Variants in EYS observed in about 807,000 individuals in gnomAD.
EYS encodes the protein protein eyes shut homolog.
In EYS, 250 loss-of-function variants were observed where a neutral mutation model predicts 282.1. The observed-to-expected ratio is 0.89, with a 90% CI of 0.80 to 0.98. The LOEUF (loss-of-function observed/expected upper bound fraction) is 0.98. Among genes scored for constraint, EYS ranks in the 50% least tolerant of loss-of-function variants. The pLI is 0.00. For synonymous variants in EYS, 1,355 were observed against 1,282.9 expected (o/e 1.06, Z -1.20); for missense variants, 4,016 against 3,709.0 (o/e 1.08, Z -2.15).
chr6:63,990,923 G>A (rs1767576236), intron 34 of EYS, among the ~76,000 whole-genome samples: 1 of 151,598 alleles, frequency 6.6e-6, no homozygotes, highest in South Asian at 2.1e-4. Flanking sequence ...GTGAAAGAGT[G>A]GATCATGCAC....
chr6:65,414,493 A>G (rs1020521129), intron 5 of EYS, among the ~76,000 whole-genome samples: 2 of 152,166 alleles, frequency 1.3e-5, no homozygotes, highest in Admixed American at 1.3e-4. Context: ...TGAGAAAAAA[A>G]TCATGCTCTA....
At chr6:64,734,782 CCT>C (rs1474821521) in intron 22 of EYS, among the ~76,000 whole-genome samples, 3 of 151,846 alleles carry the variant, frequency 2.0e-5, no homozygotes, top group African/African-American at 7.3e-5. Flanking sequence ...ATTACTGTGC[CCT>C]CTCAGAAATA....
At chr6:65,573,257 T>C (rs1349570263) in intron 2 of EYS, among the ~76,000 whole-genome samples, 1 of 152,014 alleles carries the variant, frequency 6.6e-6, no homozygotes, top group Admixed American at 6.6e-5. Context: ...ATGGAAAACA[T>C]GTATATAGAA....
chr6:64,092,829 A>C (rs1246455984), intron 31 of EYS, among the ~76,000 whole-genome samples: 43 of 151,744 alleles, frequency 2.8e-4, no homozygotes, highest in Middle Eastern at 3.4e-3. Context: ...GTCCTTGCCC[A>C]TGCCTATGTC....
At chr6:64,587,695 G>A (rs1430931906) in intron 26 of EYS, among the ~76,000 whole-genome samples, 5 of 151,950 alleles carry the variant, frequency 3.3e-5, no homozygotes, top group East Asian at 1.9e-4. Context: ...GTATCTGCAC[G>A]TTCCTGGAAC....
chr6:64,465,275 G>A (rs965267549), intron 26 of EYS, among the ~76,000 whole-genome samples: 1 of 152,016 alleles, frequency 6.6e-6, no homozygotes, highest in Non-Finnish European at 1.5e-5. Flanking sequence ...AATTTTGTGT[G>A]GAGCCACAAG....
chr6:65,698,556 C>T (rs1381689758), intron 1 of EYS, among the ~76,000 whole-genome samples: 1 of 152,134 alleles, frequency 6.6e-6, no homozygotes, highest in Non-Finnish European at 1.5e-5. Context: ...AAATTGTATT[C>T]TATGTAACTC....
chr6:65,641,135 C>T (rs1445773214), intron 1 of EYS, among the ~76,000 whole-genome samples: 1 of 152,086 alleles, frequency 6.6e-6, no homozygotes, highest in African/African-American at 2.4e-5. Flanking sequence ...TTATAGTGGG[C>T]CAAAATAGAA....
At chr6:64,334,271 T>TTTATCAA (rs1401116138) in intron 29 of EYS, among the ~76,000 whole-genome samples, 3 of 152,148 alleles carry the variant, frequency 2.0e-5, no homozygotes, top group Non-Finnish European at 2.9e-5. Flanking sequence ...TATCAATTAC[T>TTTATCAA]ACCTGATAAA....
intron 29 of EYS, among the ~76,000 whole-genome samples, chr6:64,335,179 A>C (rs952725110): frequency 6.6e-6 from 1 of 152,102 alleles, no homozygotes; most frequent in South Asian, 2.1e-4. Context: ...GAAATCAACT[A>C]TAACCTACTA....
intron 5 of EYS, among the ~76,000 whole-genome samples, chr6:65,409,598 C>G (rs1228333512): frequency 6.6e-6 from 1 of 152,082 alleles, no homozygotes. Flanking sequence ...AAATGATATA[C>G]GTGGACTTTG....
intron 31 of EYS, among the ~76,000 whole-genome samples, chr6:64,104,747 C>T (rs898188195): frequency 3.0e-5 from 4 of 133,600 alleles, no homozygotes; most frequent in South Asian, 2.5e-4. Context: ...TTCTGGCAAG[C>T]TTTTTTTTTT....
At chr6:64,381,178 CGTTCTTTATACTAACG>C in intron 29 of EYS, among the ~76,000 whole-genome samples, 1 of 151,972 alleles carries the variant, frequency 6.6e-6, no homozygotes, top group South Asian at 2.1e-4. Context: ...TTTATACTAA[CGTTCTTTATACTAACG>C]GTTCTTTATA....
At chr6:63,792,314 T>G (rs1179410479) in intron 37 of EYS, among the ~76,000 whole-genome samples, 2 of 151,968 alleles carry the variant, frequency 1.3e-5, no homozygotes, top group Non-Finnish European at 2.9e-5. Flanking sequence ...CCTTCAACTC[T>G]AGATCTTCCC....
chr6:65,703,968 C>T (rs1403694881), intron 1 of EYS, among the ~76,000 whole-genome samples: 2 of 152,006 alleles, frequency 1.3e-5, no homozygotes, highest in Admixed American at 6.6e-5. Flanking sequence ...TGGAGAACGA[C>T]TGAGCGAATT....
intron 12 of EYS, among the ~76,000 whole-genome samples, chr6:65,156,214 C>T (rs1764724763): frequency 6.6e-6 from 1 of 151,072 alleles, no homozygotes; most frequent in South Asian, 2.1e-4. Context: ...CAGAGACTCC[C>T]TTGGAATTAT....
intron 5 of EYS, among the ~76,000 whole-genome samples, chr6:65,453,656 G>T (rs1764492102): frequency 6.6e-6 from 1 of 152,026 alleles, no homozygotes; most frequent in Middle Eastern, 3.4e-3. Context: ...TATTGACCAA[G>T]CTCTCCTCAA....
intron 35 of EYS, among the ~76,000 whole-genome samples, chr6:63,877,734 G>A (rs1773015012): frequency 1.3e-5 from 2 of 152,076 alleles, no homozygotes; most frequent in Admixed American, 1.3e-4. Flanking sequence ...TTCAGTCGCT[G>A]TTACCCTTTC....
intron 1 of EYS, among the ~76,000 whole-genome samples, chr6:65,687,741 A>T (rs958744709): frequency 2.6e-5 from 4 of 152,188 alleles, no homozygotes; most frequent in Non-Finnish European, 5.9e-5. Flanking sequence ...AAGTCTCAGG[A>T]TACAAAATCA....
Sources: allele counts gnomAD v4.1 joint callset (sites outside exome capture counted in the v4.1 genomes callset), GRCh38; gene constraint gnomAD v4.1.1; transcripts MANE v1.5; gene names NCBI Gene and HGNC (gene_info 2026-07-23, HGNC 2026-07-21).